Variants in AKT3 observed in about 807,000 individuals in gnomAD.
AKT3 encodes the protein RAC-gamma serine/threonine-protein kinase.
Under a neutral mutation model 65.3 loss-of-function variants are expected in AKT3, and 15 were observed. The observed-to-expected ratio is 0.23, with a 90% CI of 0.15 to 0.35. AKT3 has a LOEUF of 0.35. Among genes scored for constraint, AKT3 ranks in the 10% least tolerant of loss-of-function variants. The probability of loss-of-function intolerance (pLI) is 1.00; values close to 1 mark genes in which losing one functional copy is unlikely to be tolerated. For synonymous variants in AKT3, 206 were observed against 183.8 expected (o/e 1.12, Z -0.98); for missense variants, 243 against 576.5 (o/e 0.42, Z 5.92).
rs981108508 is a variant in AKT3 at position 243,579,149 on chromosome 1, C to T, written c.697-6101G>A. 4.6e-5 allele frequency among the ~76,000 whole-genome samples: 7 copies of T among 151,960 alleles called. No individual in the cohort carries two copies. In the South Asian group the frequency reaches 1.2e-3, roughly 27 times the overall value. ...TTCTCTATGGCTGACTGAGTAGATG[C>T]TGATATAAAGGAAAAGAATGGGAAT... On this transcript the variant is annotated intron_variant, in intron 8 of 13. Transcript: ENST00000673466.
intron 2 of AKT3, among the ~76,000 whole-genome samples, chr1:243,803,679 C>T (rs1427420875): frequency 1.3e-5 from 2 of 148,212 alleles, no homozygotes; most frequent in African/African-American, 5.2e-5. Context: ...CACACACACA[C>T]ACACACACAC....
At chr1:243,768,770 G>T (rs1689986051) in intron 2 of AKT3, among the ~76,000 whole-genome samples, 1 of 151,522 alleles carries the variant, frequency 6.6e-6, no homozygotes, top group Admixed American at 6.6e-5. Context: ...AGGAGGCAGA[G>T]GTTGCAGTGA....
intron 5 of AKT3, among the ~76,000 whole-genome samples, chr1:243,644,537 A>C (rs1680665689): frequency 6.6e-6 from 1 of 152,190 alleles, no homozygotes; most frequent in Non-Finnish European, 1.5e-5. Context: ...CAAAATGAAA[A>C]AAAAAATGTT....
At chr1:243,604,009 C>A (rs996456798) in intron 8 of AKT3, among the ~76,000 whole-genome samples, 1 of 151,538 alleles carries the variant, frequency 6.6e-6, no homozygotes, top group Non-Finnish European at 1.5e-5. Flanking sequence ...AATTCTCCTG[C>A]CTCAGCCTCC....
intron 4 of AKT3, among the ~76,000 whole-genome samples, chr1:243,663,022 A>G (rs146558154): frequency 6.6e-6 from 1 of 152,352 alleles, no homozygotes; most frequent in African/African-American, 2.4e-5. Context: ...CACTAAGAAT[A>G]ACATTTTCAA....
intron 2 of AKT3, among the ~76,000 whole-genome samples, chr1:243,766,729 A>G (rs1392944040): frequency 6.6e-6 from 1 of 152,200 alleles, no homozygotes; most frequent in Non-Finnish European, 1.5e-5. Context: ...GTAGTGAAGA[A>G]AAGTTTCCTA....
At chr1:243,818,691 A>C (rs1237350410) in intron 2 of AKT3, among the ~76,000 whole-genome samples, 4 of 152,184 alleles carry the variant, frequency 2.6e-5, no homozygotes, top group African/African-American at 9.7e-5. Flanking sequence ...ATTCAGCAAT[A>C]TGTTATGCAG....
At chr1:243,613,639 C>A (rs1678065433) in intron 8 of AKT3, 32 bp downstream of exon 8, 1 of 1,470,854 alleles carries the variant, frequency 6.8e-7, no homozygotes, top group Non-Finnish European at 9.3e-7. Context: ...AAAATACTAC[C>A]ATGCAAATAC....
intron 10 of AKT3, among the ~76,000 whole-genome samples, chr1:243,557,194 C>A (rs529473382): frequency 6.6e-6 from 1 of 152,052 alleles, no homozygotes; most frequent in Non-Finnish European, 1.5e-5. Flanking sequence ...TTCTATACTT[C>A]TTTTTTATTC....
At chr1:243,797,769 T>C (rs550325039) in intron 2 of AKT3, among the ~76,000 whole-genome samples, 2 of 151,752 alleles carry the variant, frequency 1.3e-5, no homozygotes, top group Non-Finnish European at 2.9e-5. Context: ...TATTCTTAAA[T>C]GATTAAGCAT....
At chr1:243,508,790 C>T (rs548599772) in intron 13 of AKT3, among the ~76,000 whole-genome samples, 8 of 151,856 alleles carry the variant, frequency 5.3e-5, no homozygotes, top group South Asian at 4.2e-4. Flanking sequence ...CTCAGCCTCC[C>T]GAGTGGCTGG....
intron 10 of AKT3, among the ~76,000 whole-genome samples, chr1:243,561,056 C>T (rs1673741000): frequency 6.6e-6 from 1 of 151,700 alleles, no homozygotes; most frequent in African/African-American, 2.4e-5. Context: ...CCTAATTAAA[C>T]CACAAAAATA....
intron 2 of AKT3, among the ~76,000 whole-genome samples, chr1:243,731,447 A>G (rs890630385): frequency 1.3e-5 from 2 of 152,242 alleles, no homozygotes; most frequent in African/African-American, 4.8e-5. Flanking sequence ...CAGTACAGCA[A>G]CAGTAACTAG....
rs1467760322 is a variant in AKT3, at chr1:243,533,519, T to A, written c.1251+11991A>T. Reference sequence around the variant, plus strand: ...AAAGAGGACTTGAATTAGTTATAAGTGTATACTTCAAACTCAAGGGCTGGC... The same window carrying A: ...AAAGAGGACTTGAATTAGTTATAAGAGTATACTTCAAACTCAAGGGCTGGC... On this transcript the variant is annotated intron_variant, in intron 12 of 13. Coordinates refer to ENST00000673466, the MANE Select transcript of AKT3 (RefSeq NM_005465.7). 2.0e-5 allele frequency among the ~76,000 whole-genome samples: 3 copies of A among 152,200 alleles called. 1 individual carries two copies. The highest frequency in any genetic ancestry group is 6.3e-3 in the Middle Eastern group (2 of 316).
chr1:243,733,918 C>T (rs1687695332), intron 2 of AKT3, among the ~76,000 whole-genome samples: 1 of 152,140 alleles, frequency 6.6e-6, no homozygotes, highest in Non-Finnish European at 1.5e-5. Context: ...TGCAATTAAA[C>T]AAAGCACAAT....
At chr1:243,667,805 C>T (rs1682900996) in intron 3 of AKT3, among the ~76,000 whole-genome samples, 1 of 152,150 alleles carries the variant, frequency 6.6e-6, no homozygotes, top group African/African-American at 2.4e-5. Context: ...TTCTGACCTA[C>T]TTCCTTAGTA....
chr1:243,845,837 A>T (rs1353001083), intron 1 of AKT3, among the ~76,000 whole-genome samples: 1 of 152,196 alleles, frequency 6.6e-6, no homozygotes, highest in Admixed American at 6.5e-5. Flanking sequence ...AACAAGGTTC[A>T]TCACAATGGT....
chr1:243,703,253 G>A (rs1685580398), intron 2 of AKT3, among the ~76,000 whole-genome samples: 1 of 151,942 alleles, frequency 6.6e-6, no homozygotes, highest in African/African-American at 2.4e-5. Flanking sequence ...ATAATTATGT[G>A]ATACATCTTA....
rs199507358 is a variant in AKT3 at position 243,843,213 on chromosome 1, T to C, written c.-43A>G. On this transcript the variant is annotated 5_prime_UTR_variant, in exon 2 of 14. Transcript: ENST00000673466. ...CCCCCAACTTGGAGAAATGGTACTTTGTGATATCAGCTTTAGGGTTTGGAT... is the reference window on the plus strand; with the variant it reads ...CCCCCAACTTGGAGAAATGGTACTTCGTGATATCAGCTTTAGGGTTTGGAT... 219 of 1,607,764 alleles carry C rather than the reference T, an allele frequency of 1.4e-4. No homozygotes were observed. The highest frequency in any genetic ancestry group is 1.2e-3 in the Admixed American group (70 of 59,508).
Sources: allele counts gnomAD v4.1 joint callset (sites outside exome capture counted in the v4.1 genomes callset), GRCh38; gene constraint gnomAD v4.1.1; transcripts MANE v1.5; gene names NCBI Gene and HGNC (gene_info 2026-07-23, HGNC 2026-07-21).